The following ZNF804B variants were observed in gnomAD, a reference collection of about 807,000 sequenced individuals.
ZNF804B encodes zinc finger protein 804B.
ZNF804B carries 80 observed loss-of-function variants against 101.4 expected under a neutral mutation model. The observed-to-expected ratio is 0.79, with a 90% CI of 0.66 to 0.95. The LOEUF (loss-of-function observed/expected upper bound fraction) is 0.95. Ranked by LOEUF, ZNF804B falls within the 40% of genes least tolerant of loss-of-function variation. The pLI, the probability that ZNF804B is intolerant of heterozygous loss-of-function variation, is 0.00. For missense variants in ZNF804B, 1,673 were observed against 1,561.9 expected (o/e 1.07, Z -1.20); for synonymous variants, 622 against 558.8 (o/e 1.11, Z -1.59).
intron 2 of ZNF804B, among the ~76,000 whole-genome samples, chr7:89,283,363 A>G (rs1256027635): frequency 6.6e-6 from 1 of 152,218 alleles, no homozygotes; most frequent in African/African-American, 2.4e-5. Flanking sequence ...ATCACATAAT[A>G]CTTGGTATCA....
intron 2 of ZNF804B, among the ~76,000 whole-genome samples, chr7:89,256,130 A>T (rs2115800584): frequency 6.6e-6 from 1 of 152,336 alleles, no homozygotes; most frequent in East Asian, 1.9e-4. Context: ...GTGACCAAGC[A>T]AATTCATAAT....
chr7:89,299,786 A>G lies in ZNF804B; in HGVS notation c.250-27558A>G, dbSNP rs1452350302. ...TTCTCCCATTTAGCTCTTAAAATGTATCAGTTTATTTACAGTATTTAACAT... is the reference window on the plus strand; with the variant it reads ...TTCTCCCATTTAGCTCTTAAAATGTGTCAGTTTATTTACAGTATTTAACAT... On this transcript the variant is annotated intron_variant, in intron 2 of 3. Coordinates refer to ENST00000333190, the MANE Select transcript of ZNF804B (RefSeq NM_181646.5). Among the ~76,000 whole-genome samples the G allele has an allele frequency of 2.0e-5, 3 of 152,148 alleles. No homozygotes were observed. In the East Asian group the frequency reaches 5.8e-4, roughly 29 times the overall value.
At chr7:88,780,812 A>T (rs1790215031) in intron 1 of ZNF804B, among the ~76,000 whole-genome samples, 1 of 152,202 alleles carries the variant, frequency 6.6e-6, no homozygotes, top group Admixed American at 6.5e-5. Flanking sequence ...TATCTCACGT[A>T]AACTGCAAAT....
chr7:89,240,679 T>A (rs1049948551), intron 2 of ZNF804B, among the ~76,000 whole-genome samples: 1 of 152,056 alleles, frequency 6.6e-6, no homozygotes, highest in African/African-American at 2.4e-5. Flanking sequence ...ACCTTGCATT[T>A]TTTTCCACTT....
At chr7:89,190,350 A>AAT (rs1788438948) in intron 1 of ZNF804B, among the ~76,000 whole-genome samples, 1 of 151,206 alleles carries the variant, frequency 6.6e-6, no homozygotes, top group Admixed American at 6.6e-5. Flanking sequence ...AAAAAAAAAA[A>AAT]GCAAGAAAAC....
intron 1 of ZNF804B, among the ~76,000 whole-genome samples, chr7:89,041,168 G>A (rs186569251): frequency 2.6e-5 from 4 of 152,238 alleles, no homozygotes; most frequent in Admixed American, 2.0e-4. Flanking sequence ...CAGGCTTTAA[G>A]CCTGATTCGA....
intron 2 of ZNF804B, among the ~76,000 whole-genome samples, chr7:89,258,813 T>TATTG (rs113098355): frequency 0.011 from 1,705 of 152,260 alleles, 37 homozygotes; most frequent in African/African-American, 0.039. Flanking sequence ...ATATATTGAC[T>TATTG]ATTAAGTCAA....
intron 1 of ZNF804B, among the ~76,000 whole-genome samples, chr7:88,883,318 T>C (rs1037245998): frequency 1.3e-4 from 20 of 152,286 alleles, no homozygotes; most frequent in African/African-American, 4.8e-4. Flanking sequence ...ATCCTTTTTT[T>C]CTTTGTCTTC....
intron 1 of ZNF804B, among the ~76,000 whole-genome samples, chr7:88,905,540 G>T (rs373744701): frequency 1.2e-4 from 18 of 151,960 alleles, no homozygotes; most frequent in Non-Finnish European, 2.5e-4. Flanking sequence ...TCTATTTTTA[G>T]TAGAGATGGG....
chr7:89,167,247 C>T (rs1396606053), intron 1 of ZNF804B, among the ~76,000 whole-genome samples: 1 of 150,820 alleles, frequency 6.6e-6, no homozygotes, highest in Non-Finnish European at 1.5e-5. Flanking sequence ...ACCAGCCTGG[C>T]CAACATGGTG....
chr7:89,177,757 T>G (rs1327184322), intron 1 of ZNF804B, among the ~76,000 whole-genome samples: 2 of 152,078 alleles, frequency 1.3e-5, no homozygotes, highest in African/African-American at 4.8e-5. Context: ...GCTCTAATAA[T>G]ATTTGCTTTA....
intron 2 of ZNF804B, among the ~76,000 whole-genome samples, chr7:89,323,345 T>G (rs1007839565): frequency 6.6e-6 from 1 of 152,176 alleles, no homozygotes; most frequent in African/African-American, 2.4e-5. Context: ...TACAGACCAA[T>G]ATCACACATG....
intron 1 of ZNF804B, among the ~76,000 whole-genome samples, chr7:88,955,747 A>G (rs1562843148): frequency 2.0e-5 from 3 of 151,638 alleles, no homozygotes; most frequent in Non-Finnish European, 4.4e-5. Flanking sequence ...AAATAGACAA[A>G]TGAGACTATA....
At chr7:88,922,129 A>G (rs1792728015) in intron 1 of ZNF804B, among the ~76,000 whole-genome samples, 1 of 151,992 alleles carries the variant, frequency 6.6e-6, no homozygotes, top group Non-Finnish European at 1.5e-5. Flanking sequence ...CAGATTCAGA[A>G]TTTTCTCAAC....
At chr7:89,033,141 C>G (rs1788865579) in intron 1 of ZNF804B, among the ~76,000 whole-genome samples, 1 of 151,954 alleles carries the variant, frequency 6.6e-6, no homozygotes. Context: ...ACTCCCCAGC[C>G]TCTGGTAACC....
At chr7:88,862,392 A>C (rs943683118) in intron 1 of ZNF804B, among the ~76,000 whole-genome samples, 3 of 152,158 alleles carry the variant, frequency 2.0e-5, no homozygotes, top group Admixed American at 2.0e-4. Context: ...GCATCTGAGT[A>C]TTTATGTCAA....
At chr7:89,265,691 T>C (rs2115825080) in intron 2 of ZNF804B, among the ~76,000 whole-genome samples, 1 of 152,344 alleles carries the variant, frequency 6.6e-6, no homozygotes, top group Middle Eastern at 3.4e-3. Context: ...ACAATAACAA[T>C]TATTCAAAAA....
chr7:89,304,216 T>C lies in ZNF804B; in HGVS notation c.250-23128T>C, dbSNP rs149053446. 2.3e-3 allele frequency among the ~76,000 whole-genome samples: 352 copies of C among 152,020 alleles called. 2 individuals carry two copies. The highest frequency in any genetic ancestry group is 8.2e-3 in the African/African-American group (340 of 41,520). ...TTGTCTCCCAGTCTCTGTGGGACCA[T>C]AGGAACCTAACTTTAATAAGCAACA... On this transcript the variant is annotated intron_variant, in intron 2 of 3. Coordinates refer to ENST00000333190, the MANE Select transcript of ZNF804B (RefSeq NM_181646.5).
At chr7:89,028,902 C>A (rs1282635268) in intron 1 of ZNF804B, among the ~76,000 whole-genome samples, 1 of 152,006 alleles carries the variant, frequency 6.6e-6, no homozygotes, top group Non-Finnish European at 1.5e-5. Flanking sequence ...TATTATCAAG[C>A]AATTGTTATT....
Sources: allele counts gnomAD v4.1 joint callset (sites outside exome capture counted in the v4.1 genomes callset), GRCh38; gene constraint gnomAD v4.1.1; transcripts MANE v1.5; gene names NCBI Gene and HGNC (gene_info 2026-07-23, HGNC 2026-07-21).